The following ALPK3 variants were observed in gnomAD, a reference collection of about 807,000 sequenced individuals.
The protein encoded by ALPK3 is alpha kinase 3.
A neutral mutation model predicts 140.0 loss-of-function variants in ALPK3; 102 were observed. That is an observed-to-expected ratio of 0.73 (90% CI 0.62 to 0.86). The LOEUF (loss-of-function observed/expected upper bound fraction) is 0.86, where lower values mean the gene tolerates loss of function less well. ALPK3 is among the 40% of genes least tolerant of loss of function. The pLI is 0.00. For synonymous variants in ALPK3, 938 were observed against 898.5 expected, an observed-to-expected ratio of 1.04 and a Z score of -0.79; for missense variants, 2,254 against 2,208.2, an observed-to-expected ratio of 1.02 and a Z score of -0.42.
intron 5 of ALPK3, among the ~76,000 whole-genome samples, chr15:84,842,523 T>A (rs999608977): frequency 6.6e-6 from 1 of 151,704 alleles, no homozygotes; most frequent in African/African-American, 2.4e-5. Context: ...CTCGGAGCAG[T>A]GAAGGGAAGC....
chr15:84,824,364 C>T (rs1963461953), intron 2 of ALPK3, among the ~76,000 whole-genome samples: 1 of 152,228 alleles, frequency 6.6e-6, no homozygotes, highest in South Asian at 2.1e-4. Context: ...CTTGGCTGAA[C>T]TGACTGTTAC....
chr15:84,829,912 G>A (rs1428639070), intron 3 of ALPK3, among the ~76,000 whole-genome samples: 1 of 152,164 alleles, frequency 6.6e-6, no homozygotes, highest in Admixed American at 6.5e-5. Context: ...CTGAGGACAT[G>A]GTTACTTCCT....
At position 84,848,694 on chromosome 15, in the gene ALPK3, C is replaced by T. The variant is rs1417112106; in HGVS notation, c.1654-7698C>T. Among the ~76,000 whole-genome samples the T allele has an allele frequency of 2.0e-5, 3 of 152,098 alleles. No individual in the cohort carries two copies. In the East Asian group the frequency reaches 5.8e-4, roughly 29 times the overall value. On this transcript the variant is annotated intron_variant, in intron 5 of 13. Transcript: ENST00000258888. ...TGTGAGACAGGACCAGAAAAACTTTCCCAACTTGATGCTGTCAATAAGAAA... is the reference window on the plus strand; with the variant it reads ...TGTGAGACAGGACCAGAAAAACTTTTCCAACTTGATGCTGTCAATAAGAAA...
intron 11 of ALPK3, 50 bp downstream of exon 11, chr15:84,863,690 G>T: frequency 6.4e-7 from 1 of 1,556,736 alleles, no homozygotes; most frequent in Non-Finnish European, 8.7e-7. Flanking sequence ...GTTGCCTTGG[G>T]CTTCTGCAAA....
chr15:84,819,200 G>A lies in ALPK3; in HGVS notation c.143+1605G>A, dbSNP rs114183504. The stretch of plus-strand genomic sequence containing the variant: ...TAATTGTACACCTCATGAGCACAAA[G>A]CTTGTGCCAGCCTGAGAGCTAGAGG... On this transcript the variant is annotated intron_variant, in intron 1 of 13. Transcript: ENST00000258888. Among the ~76,000 whole-genome samples the A allele has an allele frequency of 3.9e-3, 590 of 152,368 alleles. 2 individuals carry two copies. Among genetic ancestry groups the A allele is most frequent in the African/African-American group, 0.013 (547 of 41,584 alleles).
chr15:84,817,715 C>G, intron 1 of ALPK3, 120 bp downstream of exon 1: 2 of 1,257,674 alleles, frequency 1.6e-6, no homozygotes, highest in Non-Finnish European at 2.0e-6. Flanking sequence ...CCCTCTCAGC[C>G]CCAAGGCCCA....
chr15:84,840,865 C>A lies in ALPK3; in HGVS notation c.1586C>A (p.Ala529Asp). 1 of 1,613,898 alleles carries A rather than the reference C, an allele frequency of 6.2e-7. No homozygotes were observed. Among genetic ancestry groups the A allele is most frequent in the Non-Finnish European group, 8.5e-7 (1 of 1,179,932 alleles). The change falls in exon 5 of 14, where the codon GCC (alanine) becomes GAC (aspartate). Residue 529 changes from alanine (A) to aspartate (D), a missense_variant. By Grantham distance (126) the Ala-to-Asp change is moderately radical (BLOSUM62 -2). Coordinates refer to ENST00000258888, the MANE Select transcript of ALPK3 (RefSeq NM_020778.5). Reference sequence around the variant, plus strand: ...TCTGTGCAGGTGCCGACGCCCCCTGCCCGGCGGAGACATGGCACCCGGGAC... The same window carrying A: ...TCTGTGCAGGTGCCGACGCCCCCTGACCGGCGGAGACATGGCACCCGGGAC... ...QASVQVPTPP[A>D]RRRHGTRDST...
chr15:84,843,124 G>T (rs1963685987), intron 5 of ALPK3, among the ~76,000 whole-genome samples: 1 of 152,208 alleles, frequency 6.6e-6, no homozygotes, highest in African/African-American at 2.4e-5. Context: ...GGCTCAGGCA[G>T]TGTGGTACCT....
intron 9 of ALPK3, among the ~76,000 whole-genome samples, chr15:84,860,674 A>G (rs959017045): frequency 6.6e-6 from 1 of 152,168 alleles, no homozygotes; most frequent in Admixed American, 6.5e-5. Flanking sequence ...TTTGCTAACA[A>G]ATGCATTAAT....
rs1963648147 is a variant in ALPK3 at position 84,840,438 on chromosome 15, A to G, written c.1159A>G (p.Arg387Gly). 4 of 1,613,790 alleles carry G rather than the reference A, an allele frequency of 2.5e-6. No individual in the cohort carries two copies. In the East Asian group the frequency reaches 6.7e-5, roughly 27 times the overall value. Residue 387 changes from arginine (R) to glycine (G), a missense_variant, in exon 5 of 14, where the codon AGG becomes GGG. Coordinates refer to ENST00000258888, the MANE Select transcript of ALPK3 (RefSeq NM_020778.5). ...TGGGTCCTCTGGCACAGATAGTACC[A>G]GGAAGCCAGCCTCTGCTGTGGGCAC... ...GPGSSGTDST[R>G]KPASAVGTPD...
intron 12 of ALPK3, among the ~76,000 whole-genome samples, chr15:84,866,626 C>G (rs149252579): frequency 6.6e-6 from 1 of 152,350 alleles, no homozygotes; most frequent in African/African-American, 2.4e-5. Flanking sequence ...CGTTTTTTCT[C>G]TATCATCATT....
chr15:84,857,828 G>A lies in ALPK3; in HGVS notation c.3090G>A (p.Leu1030=). 1 of 1,610,948 alleles carries A rather than the reference G, an allele frequency of 6.2e-7. No homozygotes were observed. The highest frequency in any genetic ancestry group is 8.5e-7 in the Non-Finnish European group (1 of 1,178,130). The change falls in exon 6 of 14, where the codon CTG becomes CTA. Residue 1030 remains leucine, a synonymous_variant. Transcript: ENST00000258888. ...ACCTGGTGCAGAGTGCACAGACCCT[G>A]CTGCTGAGCCCCTGTACCTCCCGCC... ...NNHLVQSAQT[L]LLSPCTSRRL...
rs769823625 is a variant in ALPK3, at chr15:84,867,319, G to A, written c.4726G>A (p.Val1576Ile). 1.7e-5 allele frequency: 27 copies of A among 1,613,832 alleles called. No individual in the cohort carries two copies. Among genetic ancestry groups the A allele is most frequent in the African/African-American group, 1.5e-4 (11 of 74,910 alleles). The change falls in exon 13 of 14, where the codon GTT becomes ATT. Residue 1576 changes from valine (V) to isoleucine (I), a missense_variant and splice_region_variant. By Grantham distance (29) the Val-to-Ile change is conservative. This residue lies in a region of ALPK3 where 158 missense variants were observed against 159.8 expected (regional missense o/e 0.99). Transcript: ENST00000258888. ...CTCCCAACTTTCTCTCTTTTCAGGG[G>A]TTGACTGGAAGATGACTGATGTGCA... ...GSFLVTDLAG[V>I]DWKMTDVQIA...
chr15:84,867,973 G>T, intron 13 of ALPK3, 138 bp from the exon 14 acceptor site: 2 of 867,256 alleles, frequency 2.3e-6, no homozygotes, highest in Non-Finnish European at 3.6e-6. Flanking sequence ...AGCACCAAGG[G>T]AGAGTCCCCA....
rs184750482 is a variant in ALPK3, at chr15:84,867,817, C to T, written c.4773-294C>T. 2.6e-5 allele frequency among the ~76,000 whole-genome samples: 4 copies of T among 152,288 alleles called. No individual in the cohort carries two copies. The East Asian group carries it at 7.7e-4, about 29-fold the overall frequency. ...GCCTTGGGCCAGGCATGGTGGCTCA[C>T]GCCTCTAACCCTAGCACTTTGGGAG... On this transcript the variant is annotated intron_variant, in intron 13 of 13. Transcript: ENST00000258888.
chr15:84,843,335 G>A (rs1963688142), intron 5 of ALPK3, among the ~76,000 whole-genome samples: 1 of 152,188 alleles, frequency 6.6e-6, no homozygotes, highest in South Asian at 2.1e-4. Context: ...GGGTGTGGTG[G>A]CACGTGCCTG....
At position 84,856,616 on chromosome 15, in the gene ALPK3, A is replaced by T; in HGVS notation, c.1878A>T (p.Gly626=). ...IQVDGRTRGD[G]TQTAQRTRAD... is the part of the protein sequence containing the mutation. ...TGGATGGAAGGACCAGGGGAGATGG[A>T]ACACAGACAGCCCAGAGGACACGTG... Residue 626 remains glycine, a synonymous_variant, in exon 6 of 14, where the codon GGA becomes GGT. Transcript: ENST00000258888. 6.2e-7 allele frequency: 1 copy of T among 1,614,130 alleles called. No homozygotes were observed. Among genetic ancestry groups the T allele is most frequent in the East Asian group, 2.2e-5 (1 of 44,870 alleles).
chr15:84,848,904 G>A (rs1011303091), intron 5 of ALPK3, among the ~76,000 whole-genome samples: 5 of 152,144 alleles, frequency 3.3e-5, no homozygotes, highest in Admixed American at 6.5e-5. Context: ...CACTTTGGGA[G>A]GACAAGGCAG....
At chr15:84,837,289 G>C (rs1963606232) in intron 3 of ALPK3, among the ~76,000 whole-genome samples, 1 of 152,216 alleles carries the variant, frequency 6.6e-6, no homozygotes, top group Admixed American at 6.5e-5. Flanking sequence ...TAACAGAGAG[G>C]AAAAGTCTGA....
Sources: gnomAD v4.1 joint callset for allele counts (sites outside exome capture counted in the v4.1 genomes callset) on GRCh38, gnomAD v4.1.1 for gene constraint, gnomAD v4.1.1 regional missense constraint, MANE v1.5 for transcripts, NCBI Gene and HGNC (gene_info 2026-07-23, HGNC 2026-07-21) for gene names.